Variants in GPC5 observed in about 807,000 individuals in gnomAD.
GPC5 encodes glypican 5.
Under a neutral mutation model 53.9 loss-of-function variants are expected in GPC5, and 47 were observed. That is an observed-to-expected ratio of 0.87 (90% confidence interval 0.69 to 1.11). GPC5 has a LOEUF of 1.11. Among genes scored for constraint, GPC5 ranks in the 50% most tolerant of loss-of-function variants. The probability of loss-of-function intolerance (pLI) is 0.00; values close to 1 mark genes in which losing one functional copy is unlikely to be tolerated. For missense variants in GPC5, 748 were observed against 713.1 expected (o/e 1.05, Z -0.56); for synonymous variants, 286 against 263.3 (o/e 1.09, Z -0.84).
Position 92,460,428 on chromosome 13 carries a change from C to CT in GPC5, c.1561+315448dup, listed in dbSNP as rs201522635. Among the ~76,000 whole-genome samples the CT allele has an allele frequency of 7.7e-3, 1,167 of 151,584 alleles. 9 individuals carry two copies. Among genetic ancestry groups the CT allele is most frequent in the Non-Finnish European group, 0.012 (842 of 67,834 alleles). On this transcript the variant is annotated intron_variant, in intron 7 of 7. Coordinates refer to ENST00000377067, the MANE Select transcript of GPC5 (RefSeq NM_004466.6). ...AGCAACTTCCTTCCTTTCTTACTTTCTTTTTTTTTCTTTCTGCAAGGAAAA... is the reference window on the plus strand; with the variant it reads ...AGCAACTTCCTTCCTTTCTTACTTTCTTTTTTTTTTCTTTCTGCAAGGAAAA...
intron 7 of GPC5, among the ~76,000 whole-genome samples, chr13:92,437,975 A>T (rs1411853867): frequency 6.6e-6 from 1 of 152,112 alleles, no homozygotes; most frequent in African/African-American, 2.4e-5. Context: ...ACATGAAGTG[A>T]ACTGATTATT....
At chr13:92,074,402 G>A (rs2041236666) in intron 6 of GPC5, among the ~76,000 whole-genome samples, 1 of 152,176 alleles carries the variant, frequency 6.6e-6, no homozygotes. Context: ...GACGTGAATT[G>A]ATAGAGATAC....
chr13:92,028,992 A>C (rs920864238), intron 6 of GPC5, among the ~76,000 whole-genome samples: 2 of 152,202 alleles, frequency 1.3e-5, no homozygotes, highest in African/African-American at 2.4e-5. Context: ...TCACTAGTAC[A>C]ACACTTCATT....
chr13:92,551,684 G>A (rs1349832702), intron 7 of GPC5, among the ~76,000 whole-genome samples: 7 of 151,886 alleles, frequency 4.6e-5, no homozygotes, highest in Non-Finnish European at 1.0e-4. Flanking sequence ...AAGTCTAGAT[G>A]TTAAGCTCAT....
At chr13:92,705,288 A>T (rs532356899) in intron 7 of GPC5, among the ~76,000 whole-genome samples, 1 of 152,182 alleles carries the variant, frequency 6.6e-6, no homozygotes, top group South Asian at 2.1e-4. Context: ...TCCAACTTTG[A>T]TTTCTATTGA....
intron 7 of GPC5, among the ~76,000 whole-genome samples, chr13:92,245,770 T>G (rs2042645929): frequency 6.6e-6 from 1 of 152,168 alleles, no homozygotes; most frequent in Admixed American, 6.5e-5. Context: ...ATATTAAATC[T>G]ATAAATCTAA....
At chr13:91,458,631 G>A (rs932677374) in intron 2 of GPC5, among the ~76,000 whole-genome samples, 1 of 152,080 alleles carries the variant, frequency 6.6e-6, no homozygotes, top group Non-Finnish European at 1.5e-5. Context: ...GGTGAAAAGG[G>A]GGCACTTTTA....
intron 7 of GPC5, among the ~76,000 whole-genome samples, chr13:92,813,584 A>G (rs1441506738): frequency 6.6e-6 from 1 of 152,030 alleles, no homozygotes; most frequent in African/African-American, 2.4e-5. Context: ...TCAGTTAACA[A>G]AATGGTAGGT....
intron 2 of GPC5, among the ~76,000 whole-genome samples, chr13:91,601,654 C>T (rs2033185783): frequency 6.6e-6 from 1 of 152,116 alleles, no homozygotes; most frequent in South Asian, 2.1e-4. Context: ...CGAGGGATCT[C>T]GGTTGCCCTC....
intron 2 of GPC5, among the ~76,000 whole-genome samples, chr13:91,519,406 G>A (rs1350655504): frequency 6.6e-6 from 1 of 152,106 alleles, no homozygotes; most frequent in Non-Finnish European, 1.5e-5. Context: ...GTTGGAGCAA[G>A]GGCCCCTTGG....
chr13:91,436,448 A>G (rs1879967347), intron 1 of GPC5, among the ~76,000 whole-genome samples: 1 of 152,030 alleles, frequency 6.6e-6, no homozygotes, highest in Admixed American at 6.6e-5. Flanking sequence ...TTATGTACCC[A>G]GTAGTCATTC....
At chr13:91,872,234 A>G (rs2039153274) in intron 5 of GPC5, among the ~76,000 whole-genome samples, 1 of 152,244 alleles carries the variant, frequency 6.6e-6, no homozygotes, top group South Asian at 2.1e-4. Flanking sequence ...CAAAGCATAT[A>G]TGAGATACCC....
In GPC5 at chr13:91,478,022, A is replaced by G. The variant is rs560490022; in HGVS notation, c.325+29100A>G. Among the ~76,000 whole-genome samples the G allele has an allele frequency of 3.9e-5, 6 of 152,032 alleles. No homozygotes were observed. In the East Asian group the frequency reaches 1.2e-3, roughly 29 times the overall value. ...TGTAGAACATTTTTCCTGAGAAACTATTCTTGGAGGAAAAAAAAACAGATT... is the reference window on the plus strand; with the variant it reads ...TGTAGAACATTTTTCCTGAGAAACTGTTCTTGGAGGAAAAAAAAACAGATT... On this transcript the variant is annotated intron_variant, in intron 2 of 7. Transcript: ENST00000377067.
At chr13:91,566,078 A>C (rs2031511927) in intron 2 of GPC5, among the ~76,000 whole-genome samples, 1 of 152,066 alleles carries the variant, frequency 6.6e-6, no homozygotes, top group African/African-American at 2.4e-5. Context: ...CAAGATCCTC[A>C]ATGTAATTAC....
intron 5 of GPC5, among the ~76,000 whole-genome samples, chr13:91,811,949 G>A (rs1393061154): frequency 6.6e-6 from 1 of 152,122 alleles, no homozygotes; most frequent in Non-Finnish European, 1.5e-5. Context: ...TGCCTACAAC[G>A]TGGAGCTGCA....
chr13:92,860,114 T>C (rs1029030455), intron 7 of GPC5, among the ~76,000 whole-genome samples: 2 of 152,178 alleles, frequency 1.3e-5, no homozygotes, highest in African/African-American at 2.4e-5. Context: ...AGTCAGAATA[T>C]CTCATTACTT....
intron 7 of GPC5, among the ~76,000 whole-genome samples, chr13:92,185,564 A>G (rs2042178159): frequency 6.6e-6 from 1 of 152,012 alleles, no homozygotes; most frequent in Admixed American, 6.6e-5. Context: ...TTTTTTTTCA[A>G]CTTCACAGAG....
chr13:92,787,706 G>T (rs1480054562), intron 7 of GPC5, among the ~76,000 whole-genome samples: 1 of 135,046 alleles, frequency 7.4e-6, no homozygotes, highest in Non-Finnish European at 1.6e-5. Context: ...AAGAAAGAAA[G>T]AAAAAGAAAA....
chr13:92,671,010 A>G (rs1886730615), intron 7 of GPC5, among the ~76,000 whole-genome samples: 1 of 152,264 alleles, frequency 6.6e-6, no homozygotes, highest in East Asian at 1.9e-4. Flanking sequence ...ATCACCCGTA[A>G]GCATAATAGT....
Sources: gnomAD v4.1 joint callset for allele counts (sites outside exome capture counted in the v4.1 genomes callset) on GRCh38, gnomAD v4.1.1 for gene constraint, MANE v1.5 for transcripts, NCBI Gene and HGNC (gene_info 2026-07-23, HGNC 2026-07-21) for gene names.